Variants in GALNT13 observed in about 807,000 individuals in gnomAD.
GALNT13 encodes the protein polypeptide N-acetylgalactosaminyltransferase 13.
Under a neutral mutation model 64.2 loss-of-function variants are expected in GALNT13, and 28 were observed. The ratio of observed to expected loss-of-function variants is 0.44; its 90% CI spans 0.32 to 0.60. The LOEUF (loss-of-function observed/expected upper bound fraction) is 0.60. Among genes scored for constraint, GALNT13 ranks in the 20% least tolerant of loss-of-function variants. The pLI is 0.05. For synonymous variants in GALNT13, 214 were observed against 224.6 expected (o/e 0.95, Z 0.42); for missense variants, 577 against 669.8 (o/e 0.86, Z 1.53).
the GALNT13 span, among the ~76,000 whole-genome samples, chr2:153,420,036 A>G: frequency 6.6e-6 from 1 of 152,178 alleles, no homozygotes; most frequent in Non-Finnish European, 1.5e-5. Flanking sequence ...GCAAAGAAAG[A>G]TGATGTTACT....
At chr2:154,037,704 A>G (rs1391438821) in intron 3 of GALNT13, among the ~76,000 whole-genome samples, 3 of 152,244 alleles carry the variant, frequency 2.0e-5, no homozygotes. Flanking sequence ...TCATTCATAT[A>G]TATCAACAAT....
At chr2:153,724,064 G>A in the GALNT13 span, among the ~76,000 whole-genome samples, 12 of 145,002 alleles carry the variant, frequency 8.3e-5, no homozygotes, top group African/African-American at 3.2e-4. Flanking sequence ...ATACTACAAG[G>A]CTACTGTAAC....
At chr2:153,904,133 T>A (rs1038969429) in intron 2 of GALNT13, among the ~76,000 whole-genome samples, 1 of 151,986 alleles carries the variant, frequency 6.6e-6, no homozygotes, top group African/African-American at 2.4e-5. Context: ...TTTTTAAGTT[T>A]CTTTAATGTT....
chr2:153,883,755 GAAAA>G (rs1188990762), intron 1 of GALNT13, among the ~76,000 whole-genome samples: 5 of 151,646 alleles, frequency 3.3e-5, no homozygotes, highest in African/African-American at 1.2e-4. Flanking sequence ...AATGTACAAA[GAAAA>G]AAAGTAGAAA....
At chr2:153,886,360 C>T (rs1687180205) in intron 1 of GALNT13, among the ~76,000 whole-genome samples, 2 of 151,570 alleles carry the variant, frequency 1.3e-5, no homozygotes, top group African/African-American at 4.8e-5. Context: ...TATCCCTCCC[C>T]ACTCCCCCCA....
the GALNT13 span, among the ~76,000 whole-genome samples, chr2:153,825,896 T>C: frequency 5.3e-5 from 8 of 152,100 alleles, no homozygotes; most frequent in Non-Finnish European, 8.8e-5. Context: ...TAGTCTACTT[T>C]CTGTCACTTA....
At chr2:154,052,937 C>A (rs926050347) in intron 3 of GALNT13, among the ~76,000 whole-genome samples, 4 of 151,942 alleles carry the variant, frequency 2.6e-5, no homozygotes, top group African/African-American at 9.7e-5. Context: ...GGGGGTTTCA[C>A]CATGTTAGCC....
the GALNT13 span, among the ~76,000 whole-genome samples, chr2:153,172,880 C>T: frequency 3.0e-4 from 46 of 152,190 alleles, no homozygotes; most frequent in African/African-American, 1.1e-3. Context: ...TTTCTTTGTA[C>T]TTTGACACTT....
In GALNT13 at chr2:154,451,318, C is replaced by A. The variant is rs950786653; in HGVS notation, c.*767C>A. The A allele has an allele frequency of 6.6e-6, 1 of 152,052 alleles. No individual in the cohort carries two copies. Among genetic ancestry groups the A allele is most frequent in the Non-Finnish European group, 1.5e-5 (1 of 68,018 alleles). The allele number at this position is 152,052 out of a possible 1,614,324, so 9.4% of individuals were successfully genotyped here. A position where few individuals can be genotyped will look rare whatever the true frequency, so the allele number is the denominator to read the frequency against. ...CAGGCTGAAACTAAACAATCTTGCT[C>A]CTAGAGTTTATGTTGGATACTCAAT... On this transcript the variant is annotated 3_prime_UTR_variant, in exon 13 of 13. Coordinates refer to ENST00000392825, the MANE Select transcript of GALNT13 (RefSeq NM_052917.4).
At chr2:153,135,945 C>G in the GALNT13 span, among the ~76,000 whole-genome samples, 11 of 151,976 alleles carry the variant, frequency 7.2e-5, no homozygotes, top group Non-Finnish European at 1.2e-4. Flanking sequence ...CTCCAGATGG[C>G]TTGTTTAATT....
the GALNT13 span, among the ~76,000 whole-genome samples, chr2:153,287,861 C>G: frequency 6.6e-6 from 1 of 152,186 alleles, no homozygotes; most frequent in South Asian, 2.1e-4. Context: ...ACACAACTGT[C>G]TGTCCTCACC....
intron 3 of GALNT13, among the ~76,000 whole-genome samples, chr2:153,961,043 T>A (rs764544963): frequency 9.2e-5 from 14 of 152,146 alleles, no homozygotes; most frequent in Admixed American, 3.9e-4. Flanking sequence ...AATGTATACA[T>A]CAAATATGTA....
the GALNT13 span, among the ~76,000 whole-genome samples, chr2:153,767,357 G>A: frequency 1.3e-3 from 193 of 152,154 alleles, no homozygotes; most frequent in Non-Finnish European, 2.1e-3. Flanking sequence ...AATCTTTGAT[G>A]GACACTTAGT....
chr2:153,502,165 T>C, the GALNT13 span, among the ~76,000 whole-genome samples: 1 of 152,194 alleles, frequency 6.6e-6, no homozygotes, highest in Non-Finnish European at 1.5e-5. Context: ...AGTGGTGATT[T>C]CTTAATTTTT....
chr2:153,698,982 T>G, the GALNT13 span, among the ~76,000 whole-genome samples: 2 of 152,146 alleles, frequency 1.3e-5, no homozygotes, highest in Non-Finnish European at 2.9e-5. Flanking sequence ...CCCAGCACTT[T>G]GGGAGGCCAA....
intron 6 of GALNT13, among the ~76,000 whole-genome samples, chr2:154,243,438 C>G (rs1441188451): frequency 6.6e-6 from 1 of 151,972 alleles, no homozygotes; most frequent in Admixed American, 6.6e-5. Flanking sequence ...TAAAAATGCA[C>G]ACACACACAT....
chr2:153,614,177 C>T, the GALNT13 span, among the ~76,000 whole-genome samples: 40 of 151,734 alleles, frequency 2.6e-4, no homozygotes, highest in African/African-American at 9.2e-4. Flanking sequence ...TAGGAATACT[C>T]TAGGGATTAC....
At chr2:153,479,004 C>G in the GALNT13 span, among the ~76,000 whole-genome samples, 2 of 152,242 alleles carry the variant, frequency 1.3e-5, no homozygotes, top group African/African-American at 4.8e-5. Context: ...TTATTGCTTG[C>G]TTCTTTTGCA....
chr2:153,230,396 A>T, the GALNT13 span, among the ~76,000 whole-genome samples: 1 of 152,350 alleles, frequency 6.6e-6, no homozygotes, highest in African/African-American at 2.4e-5. Context: ...CCTGCACTGC[A>T]CACCATTCTT....
Sources: allele counts gnomAD v4.1 joint callset (sites outside exome capture counted in the v4.1 genomes callset), GRCh38; gene constraint gnomAD v4.1.1; transcripts MANE v1.5; gene names NCBI Gene and HGNC (gene_info 2026-07-23, HGNC 2026-07-21).